The following ANKRD12 variants were observed in gnomAD, a reference collection of about 807,000 sequenced individuals.
ANKRD12 encodes ankyrin repeat domain-containing protein 12.
In ANKRD12, 85 loss-of-function variants were observed where a neutral mutation model predicts 183.4. The observed-to-expected ratio is 0.46, with a 90% CI of 0.39 to 0.56. The LOEUF is 0.56. Among genes scored for constraint, ANKRD12 ranks in the 20% least tolerant of loss-of-function variants. The probability of loss-of-function intolerance (pLI) is 0.00; values close to 1 mark genes in which losing one functional copy is unlikely to be tolerated. For missense variants in ANKRD12, 2,405 were observed against 2,357.1 expected (o/e 1.02, Z -0.42); for synonymous variants, 914 against 800.2 (o/e 1.14, Z -2.40).
intron 8 of ANKRD12, among the ~76,000 whole-genome samples, chr18:9,234,123 G>C (rs970152930): frequency 5.9e-5 from 9 of 152,114 alleles, no homozygotes; most frequent in Non-Finnish European, 1.2e-4. Context: ...GAATGGAGAA[G>C]GAATCCACCC....
chr18:9,228,559 CTGA>C (rs1476500449), intron 8 of ANKRD12, among the ~76,000 whole-genome samples: 2 of 152,094 alleles, frequency 1.3e-5, no homozygotes, highest in African/African-American at 4.8e-5. Flanking sequence ...ATACCTTTCC[CTGA>C]TGATTAGTGA....
Position 9,282,156 on chromosome 18 carries a change from T to G in ANKRD12, c.*1030T>G. The G allele has an allele frequency of 6.6e-6, 1 of 152,646 alleles. No homozygotes were observed. Among genetic ancestry groups the G allele is most frequent in the East Asian group, 1.9e-4 (1 of 5,206 alleles). The allele number at this position is 152,646 out of a possible 1,614,324, so 9.5% of individuals were successfully genotyped here. A position where few individuals can be genotyped will look rare whatever the true frequency, so the allele number is the denominator to read the frequency against. ...ACCTATGAAAGAATCTGTGAATATA[T>G]GTAAATACGTTTAATAAATTTTATT... On this transcript the variant is annotated 3_prime_UTR_variant, in exon 13 of 13. Transcript: ENST00000262126.
At chr18:9,249,743 A>G (rs944941462) in intron 8 of ANKRD12, 1 of 152,234 alleles carries the variant, frequency 6.6e-6, no homozygotes, top group Non-Finnish European at 1.5e-5. Flanking sequence ...CACTTGGACT[A>G]ACATAGGTAT....
chr18:9,146,023 C>T (rs927413628), intron 1 of ANKRD12, among the ~76,000 whole-genome samples: 14 of 152,090 alleles, frequency 9.2e-5, no homozygotes, highest in African/African-American at 3.1e-4. Context: ...GGAAAAGGAC[C>T]TGTGTGTTTT....
chr18:9,161,764 A>AT (rs2031460826), intron 1 of ANKRD12, among the ~76,000 whole-genome samples: 4 of 151,576 alleles, frequency 2.6e-5, no homozygotes, highest in Admixed American at 1.3e-4. Flanking sequence ...ATATATATAT[A>AT]AAATATATAT....
rs761652253 is a variant in ANKRD12, at chr18:9,255,100, T to C, written c.1833T>C (p.Asp611=). Residue 611 remains aspartate (D), a synonymous_variant, in exon 9 of 13, where the codon GAT becomes GAC. Coordinates refer to ENST00000262126, the MANE Select transcript of ANKRD12 (RefSeq NM_015208.5). ...AGGAAAAAAGCAAACATCAGAAAGA[T>C]TTCCACTTAGAATTTGGTGAAAAAT... ...KHKEKSKHQK[D]FHLEFGEKSN... The C allele has an allele frequency of 1.5e-5, 23 of 1,577,900 alleles. No individual in the cohort carries two copies. Among genetic ancestry groups the C allele is most frequent in the Non-Finnish European group, 2.0e-5 (23 of 1,168,816 alleles).
At chr18:9,156,923 G>T (rs2030556539) in intron 1 of ANKRD12, among the ~76,000 whole-genome samples, 1 of 152,218 alleles carries the variant, frequency 6.6e-6, no homozygotes, top group African/African-American at 2.4e-5. Flanking sequence ...TGCACGAAGT[G>T]CCTAGAGTAG....
chr18:9,259,472 T>TA (rs1292705095), intron 9 of ANKRD12: 2 of 150,134 alleles, frequency 1.3e-5, no homozygotes, highest in Non-Finnish European at 3.0e-5. Flanking sequence ...AGACTCTATA[T>TA]AAACACATAA....
intron 8 of ANKRD12, among the ~76,000 whole-genome samples, chr18:9,227,198 A>G (rs767740082): frequency 6.6e-6 from 1 of 152,142 alleles, no homozygotes; most frequent in African/African-American, 2.4e-5. Context: ...ATACATATAT[A>G]TAGAAAGAGA....
chr18:9,267,377 C>G (rs1188185556), intron 10 of ANKRD12, among the ~76,000 whole-genome samples: 1 of 152,140 alleles, frequency 6.6e-6, no homozygotes, highest in Non-Finnish European at 1.5e-5. Flanking sequence ...GGAAGTAAAG[C>G]ACTCCTCAGG....
intron 8 of ANKRD12, among the ~76,000 whole-genome samples, chr18:9,238,818 GAGAA>G (rs552557355): frequency 1.4e-3 from 208 of 152,278 alleles, no homozygotes; most frequent in African/African-American, 4.7e-3. Flanking sequence ...TAACTTCGGT[GAGAA>G]AGAGAGTAAT....
At chr18:9,259,027 A>C in intron 9 of ANKRD12, 96 bp downstream of exon 9, 1 of 1,360,816 alleles carries the variant, frequency 7.3e-7, no homozygotes, top group Non-Finnish European at 9.8e-7. Context: ...TAGTAGATAG[A>C]TAATTTCAGC....
At position 9,263,825 on chromosome 18, in the gene ANKRD12, A is replaced by G; in HGVS notation, c.5700A>G (p.Lys1900=). 2 of 1,575,044 alleles carry G rather than the reference A, an allele frequency of 1.3e-6. No homozygotes were observed. The highest frequency in any genetic ancestry group is 4.5e-5 in the East Asian group (2 of 44,128). The part of the protein sequence containing the change: ...TPPPSLSDPL[K]ELFRQQEVVR... ...CACCTTCACTGTCAGATCCACTTAA[A>G]GAGCTTTTTCGACAACAGGAAGTTG... Residue 1900 remains lysine (K), a synonymous_variant, in exon 10 of 13, where the codon AAA becomes AAG. Transcript: ENST00000262126.
At chr18:9,245,661 G>A (rs1378404782) in intron 8 of ANKRD12, among the ~76,000 whole-genome samples, 3 of 152,152 alleles carry the variant, frequency 2.0e-5, no homozygotes, top group African/African-American at 7.2e-5. Context: ...AGGTGAGTAT[G>A]TTTCATAGCA....
intron 1 of ANKRD12, among the ~76,000 whole-genome samples, chr18:9,172,411 A>G (rs1005880981): frequency 6.6e-6 from 1 of 151,954 alleles, no homozygotes; most frequent in Non-Finnish European, 1.5e-5. Context: ...CGAGGTTTTG[A>G]TCATTCCTTT....
At chr18:9,250,445 A>G (rs1315449552) in intron 8 of ANKRD12, among the ~76,000 whole-genome samples, 1 of 152,160 alleles carries the variant, frequency 6.6e-6, no homozygotes, top group Non-Finnish European at 1.5e-5. Context: ...CAGGCTGGGC[A>G]CAGTGGCTCA....
chr18:9,155,149 T>C (rs1413750194), intron 1 of ANKRD12, among the ~76,000 whole-genome samples: 1 of 152,206 alleles, frequency 6.6e-6, no homozygotes, highest in Non-Finnish European at 1.5e-5. Context: ...AGAAAGTTGC[T>C]TCTTGGAGAA....
intron 9 of ANKRD12, chr18:9,260,043 G>A (rs2038876319): frequency 6.6e-6 from 1 of 152,160 alleles, no homozygotes; most frequent in South Asian, 2.1e-4. Flanking sequence ...CTGTGTGTTT[G>A]AGTTTACTGG....
intron 9 of ANKRD12, among the ~76,000 whole-genome samples, chr18:9,263,377 A>G (rs1032726903): frequency 1.4e-5 from 2 of 142,390 alleles, no homozygotes; most frequent in Non-Finnish European, 3.1e-5. Flanking sequence ...TTTGATATTT[A>G]TCATGTCTGC....
Sources: allele counts gnomAD v4.1 joint callset (sites outside exome capture counted in the v4.1 genomes callset), GRCh38; gene constraint gnomAD v4.1.1; transcripts MANE v1.5; gene names NCBI Gene and HGNC (gene_info 2026-07-23, HGNC 2026-07-21).